ADCY9: variants seen among roughly 807,000 people sequenced by gnomAD.
ADCY9 encodes the protein adenylate cyclase type 9.
In ADCY9, 50 loss-of-function variants were observed where a neutral mutation model predicts 101.5. That is an observed-to-expected ratio of 0.49 (90% CI 0.39 to 0.62). ADCY9 has a LOEUF of 0.62. Ranked by LOEUF, ADCY9 falls within the 20% of genes least tolerant of loss-of-function variation. ADCY9 has a pLI of 0.00. For missense variants in ADCY9, 1,662 were observed against 1,800.4 expected, an observed-to-expected ratio of 0.92 and a Z score of 1.39; for synonymous variants, 905 against 769.3, an observed-to-expected ratio of 1.18 and a Z score of -2.92.
At chr16:3,976,847 G>A (rs553543549) in intron 9 of ADCY9, among the ~76,000 whole-genome samples, 19 of 152,188 alleles carry the variant, frequency 1.2e-4, no homozygotes, top group South Asian at 1.0e-3. Flanking sequence ...TCGTAGAGAC[G>A]GGGTTTCACC....
chr16:4,109,541 T>G (rs1015477307), intron 2 of ADCY9, among the ~76,000 whole-genome samples: 4 of 152,124 alleles, frequency 2.6e-5, no homozygotes, highest in Non-Finnish European at 4.4e-5. Context: ...CCATAGCAAC[T>G]TCAAAGGCCC....
chr16:4,099,814 G>C (rs575498463), intron 2 of ADCY9, among the ~76,000 whole-genome samples: 1 of 152,366 alleles, frequency 6.6e-6, no homozygotes, highest in African/African-American at 2.4e-5. Context: ...CACTTCGGGA[G>C]GCCAAGGCAG....
intron 2 of ADCY9, among the ~76,000 whole-genome samples, chr16:4,086,190 G>A (rs983774907): frequency 6.6e-6 from 1 of 151,998 alleles, no homozygotes; most frequent in African/African-American, 2.4e-5. Context: ...CCAGACACTG[G>A]CACAAAGCTG....
At chr16:4,094,894 A>G (rs1199500107) in intron 2 of ADCY9, among the ~76,000 whole-genome samples, 1 of 152,218 alleles carries the variant, frequency 6.6e-6, no homozygotes, top group African/African-American at 2.4e-5. Flanking sequence ...GATCCACATC[A>G]GGGATTTTAA....
intron 3 of ADCY9, among the ~76,000 whole-genome samples, chr16:4,006,106 C>T (rs1003762125): frequency 3.3e-5 from 5 of 152,252 alleles, no homozygotes; most frequent in African/African-American, 1.2e-4. Context: ...GTGGTTTTCA[C>T]CCAGGGGTGA....
At chr16:4,011,911 A>G (rs2601786) in intron 2 of ADCY9, among the ~76,000 whole-genome samples, 144,097 of 152,068 alleles carry the variant, frequency 0.95, 68,711 homozygotes, top group East Asian at 1. Flanking sequence ...CTTACCACAC[A>G]GCTCGCATGT....
chr16:3,969,889 A>G (rs2056036217), intron 10 of ADCY9, among the ~76,000 whole-genome samples: 1 of 150,982 alleles, frequency 6.6e-6, no homozygotes, highest in African/African-American at 2.4e-5. Flanking sequence ...GCTGGAATAC[A>G]TTTTTTCCCA....
rs754940748 is a variant in ADCY9 at position 3,989,139 on chromosome 16, T to C, written c.2208-43A>G. The C allele has an allele frequency of 8.4e-6, 12 of 1,430,554 alleles. No homozygotes were observed. In the South Asian group the frequency reaches 1.3e-4, roughly 15 times the overall value. 88.6% of individuals were successfully genotyped at this position (1,430,554 alleles called of 1,614,324 possible). On this transcript the variant is annotated intron_variant, in intron 5 of 10. Transcript: ENST00000294016. ...TGCAGTCGATCAATACCCAGCACCA[T>C]AACTGTGCCAATGTTTTCAGATCAT... is the stretch of plus-strand genomic sequence containing the variant.
At chr16:4,106,677 C>G (rs1331551132) in intron 2 of ADCY9, among the ~76,000 whole-genome samples, 1 of 152,208 alleles carries the variant, frequency 6.6e-6, no homozygotes, top group Non-Finnish European at 1.5e-5. Context: ...AACACCAATA[C>G]TAAAATCACC....
At chr16:4,034,556 C>A (rs2056577164) in intron 2 of ADCY9, among the ~76,000 whole-genome samples, 2 of 152,106 alleles carry the variant, frequency 1.3e-5, no homozygotes, top group Non-Finnish European at 2.9e-5. Flanking sequence ...ATTACAGGCA[C>A]CTGCCACCAG....
chr16:4,050,789 G>A (rs539253365), intron 2 of ADCY9, among the ~76,000 whole-genome samples: 2 of 151,140 alleles, frequency 1.3e-5, no homozygotes, highest in African/African-American at 2.4e-5. Context: ...GCCCAGTAGC[G>A]TGAACACACC....
intron 2 of ADCY9, among the ~76,000 whole-genome samples, chr16:4,038,872 A>C (rs1482652610): frequency 2.6e-5 from 4 of 152,054 alleles, no homozygotes; most frequent in Non-Finnish European, 5.9e-5. Flanking sequence ...GGGCCCCAGC[A>C]AAGAGCTTCC....
chr16:4,072,937 T>A (rs138616328), intron 2 of ADCY9, among the ~76,000 whole-genome samples: 1 of 131,750 alleles, frequency 7.6e-6, no homozygotes, highest in African/African-American at 2.9e-5. Context: ...ATCTTTAAAG[T>A]ACTAAAAGAA....
chr16:4,007,003 G>C (rs12598654), intron 3 of ADCY9, among the ~76,000 whole-genome samples: 14,852 of 152,228 alleles, frequency 0.098, 924 homozygotes, highest in Admixed American at 0.14. Context: ...TCTGAAATCA[G>C]ATTATCAACT....
intron 2 of ADCY9, among the ~76,000 whole-genome samples, chr16:4,098,020 T>C (rs1053865546): frequency 6.6e-6 from 1 of 152,108 alleles, no homozygotes. Context: ...TTAAGTCAAA[T>C]ACATATGATG....
intron 4 of ADCY9, 127 bp downstream of exon 4, chr16:3,993,279 G>A (rs1233516536): frequency 4.1e-6 from 6 of 1,465,688 alleles, no homozygotes; most frequent in Admixed American, 2.3e-5. Flanking sequence ...GAGGACCCGC[G>A]GGTGCGGAGT....
chr16:4,076,496 AT>A (rs1422999791), intron 2 of ADCY9, among the ~76,000 whole-genome samples: 3 of 152,324 alleles, frequency 2.0e-5, no homozygotes, highest in East Asian at 3.9e-4. Context: ...CAGACGAATG[AT>A]TTTTCTTGCA....
chr16:3,963,666 G>A lies in ADCY9; in HGVS notation c.*2109C>T, dbSNP rs1455378167. On this transcript the variant is annotated 3_prime_UTR_variant, in exon 11 of 11. Transcript: ENST00000294016. ...GTGTGCGGAGAACTTTGCGGAGCATGTTCTGAGCGAGACAGCAAGGTCGTG... is the reference window on the plus strand; with the variant it reads ...GTGTGCGGAGAACTTTGCGGAGCATATTCTGAGCGAGACAGCAAGGTCGTG... The A allele has an allele frequency of 7.3e-6, 2 of 273,116 alleles. No homozygotes were observed. The highest frequency in any genetic ancestry group is 1.4e-5 in the Non-Finnish European group (2 of 146,546). The allele number at this position is 273,116 out of a possible 1,614,324, so 16.9% of individuals were successfully genotyped here. A position where few individuals can be genotyped will look rare whatever the true frequency, so the allele number is the denominator to read the frequency against.
At chr16:3,961,016 G>A (rs918048368), downstream of ADCY9, among the ~76,000 whole-genome samples, 1 of 152,086 alleles carries the variant, frequency 6.6e-6, no homozygotes, top group Non-Finnish European at 1.5e-5. Flanking sequence ...TGGGGGAAAA[G>A]CAACCATGTG....
Sources: allele counts gnomAD v4.1 joint callset (sites outside exome capture counted in the v4.1 genomes callset), GRCh38; gene constraint gnomAD v4.1.1; transcripts MANE v1.5; gene names NCBI Gene and HGNC (gene_info 2026-07-23, HGNC 2026-07-21).